WDR33: variants seen among roughly 807,000 people sequenced by gnomAD.
The protein encoded by WDR33 is WD repeat domain 33, also known as pre-mRNA 3' end processing protein WDR33.
In WDR33, 47 loss-of-function variants were observed where a neutral mutation model predicts 164.9. The observed-to-expected ratio is 0.29, with a 90% CI of 0.23 to 0.36. WDR33 has a LOEUF of 0.36. Ranked by LOEUF, WDR33 falls within the 10% of genes least tolerant of loss-of-function variation. WDR33 has a pLI of 1.00. For synonymous variants in WDR33, 505 were observed against 589.0 expected (o/e 0.86, Z 2.06); for missense variants, 1,137 against 1,754.1 (o/e 0.65, Z 6.28).
At chr2:127,733,601 TTA>T (rs1686763972) in intron 7 of WDR33, among the ~76,000 whole-genome samples, 1 of 152,182 alleles carries the variant, frequency 6.6e-6, no homozygotes, top group Non-Finnish European at 1.5e-5. Context: ...GGTTAAAATT[TTA>T]GTTTCTCAGT....
In WDR33 at chr2:127,705,870, G is replaced by A. The variant is rs1197426887; in HGVS notation, c.*453C>T. ...GTGCATTCCTTGGCAGATGGGATGC[G>A]ATGGAAACCAAAGGTTTCCTTAAGG... On this transcript the variant is annotated 3_prime_UTR_variant, in exon 22 of 22. Coordinates refer to ENST00000322313, the MANE Select transcript of WDR33 (RefSeq NM_018383.5). This position sits in a 1 kb window ranked among gnomAD's most constrained non-coding sequence, Gnocchi z 4.5. 6.4e-6 allele frequency: 1 copy of A among 156,404 alleles called. No homozygotes were observed. Among genetic ancestry groups the A allele is most frequent in the Admixed American group, 6.5e-5 (1 of 15,390 alleles). The allele number at this position is 156,404 out of a possible 1,614,324, so 9.7% of individuals were successfully genotyped here. A position where few individuals can be genotyped will look rare whatever the true frequency, so the allele number is the denominator to read the frequency against.
chr2:127,741,014 G>GTCAGTGACAAAGGTTGTGGCAAAGGC lies in WDR33; in HGVS notation c.725-14263_725-14238dup, dbSNP rs1232783232. Among the ~76,000 whole-genome samples the GTCAGTGACAAAGGTTGTGGCAAAGGC allele has an allele frequency of 1.3e-4, 20 of 152,330 alleles. No homozygotes were observed. The highest frequency in any genetic ancestry group is 6.2e-4 in the South Asian group (3 of 4,828). ...AACCCAAAATACATAGACTGTAGTT[G>GTCAGTGACAAAGGTTGTGGCAAAGGC]TCAGTGACAAAGGTTGTGGCAAAGG... is the stretch of plus-strand genomic sequence containing the variant. On this transcript the variant is annotated intron_variant, in intron 7 of 21. Transcript: ENST00000322313. The surrounding 1 kb of genome is among the most constrained non-coding windows in gnomAD (Gnocchi z 4.1).
rs1301636040 is a variant in WDR33 at position 127,726,952 on chromosome 2, C to A, written c.725-175G>T. On this transcript the variant is annotated intron_variant, in intron 7 of 21. Coordinates refer to ENST00000322313, the MANE Select transcript of WDR33 (RefSeq NM_018383.5). The surrounding 1 kb of genome is among the most constrained non-coding windows in gnomAD (Gnocchi z 4.8). ...CTGGAAATTTTTCAGATACAGTATC[C>A]TCTCCTCCTATGTCAAGACACACAG... Among the ~76,000 whole-genome samples the A allele has an allele frequency of 6.6e-6, 1 of 152,148 alleles. No homozygotes were observed. Among genetic ancestry groups the A allele is most frequent in the African/African-American group, 2.4e-5 (1 of 41,426 alleles).
intron 1 of WDR33, among the ~76,000 whole-genome samples, chr2:127,799,425 C>G (rs773289084): frequency 6.6e-6 from 1 of 152,120 alleles, no homozygotes; most frequent in African/African-American, 2.4e-5. Flanking sequence ...ACACGAAGAA[C>G]TCTTAAAACT....
At chr2:127,747,954 A>G (rs1333251056) in intron 7 of WDR33, among the ~76,000 whole-genome samples, 2 of 152,214 alleles carry the variant, frequency 1.3e-5, no homozygotes, top group Non-Finnish European at 2.9e-5. Flanking sequence ...CTGAACGTCA[A>G]TATCAAAAGT....
Position 127,719,153 on chromosome 2 carries a change from A to G in WDR33, c.2760+112T>C, listed in dbSNP as rs1286568599. On this transcript the variant is annotated intron_variant, in intron 16 of 21. Transcript: ENST00000322313. The surrounding 1 kb of genome is among the most constrained non-coding windows in gnomAD (Gnocchi z 6.5). Reference sequence around the variant, plus strand: ...GCTAGTATCTTAAGCTACTGTCACTACTTGATAAGTATTTATATCCAGCTG... The same window carrying G: ...GCTAGTATCTTAAGCTACTGTCACTGCTTGATAAGTATTTATATCCAGCTG... The G allele has an allele frequency of 8.0e-7, 1 of 1,252,608 alleles. No homozygotes were observed. Among genetic ancestry groups the G allele is most frequent in the Non-Finnish European group, 1.0e-6 (1 of 978,768 alleles). 77.6% of individuals were successfully genotyped at this position (1,252,608 alleles called of 1,614,324 possible).
chr2:127,803,470 A>C (rs377093689), intron 1 of WDR33, among the ~76,000 whole-genome samples: 1 of 152,138 alleles, frequency 6.6e-6, no homozygotes, highest in African/African-American at 2.4e-5. Flanking sequence ...CGGGAGGCTG[A>C]GGCACAAGAA....
chr2:127,716,944 C>A lies in WDR33; in HGVS notation c.2869+211G>T, dbSNP rs117837243. On this transcript the variant is annotated intron_variant, in intron 17 of 21. Coordinates refer to ENST00000322313, the MANE Select transcript of WDR33 (RefSeq NM_018383.5). This position sits in a 1 kb window ranked among gnomAD's most constrained non-coding sequence, Gnocchi z 4.5. ...ACGACTGCTGGAGCCTGTGCGGGTG[C>A]CTTCATTGTCAGCCTCTGGGGTGAG... is the stretch of plus-strand genomic sequence containing the variant. 6.5e-4 allele frequency among the ~76,000 whole-genome samples: 99 copies of A among 152,312 alleles called. 1 individual carries two copies. In the East Asian group the frequency reaches 8.5e-3, roughly 13 times the overall value.
chr2:127,730,289 T>G (rs941245990), intron 7 of WDR33, among the ~76,000 whole-genome samples: 1 of 152,196 alleles, frequency 6.6e-6, no homozygotes, highest in South Asian at 2.1e-4. Context: ...TAAGCTGGAA[T>G]AGAAGAAAAT....
chr2:127,791,674 G>A (rs970865310), intron 1 of WDR33, among the ~76,000 whole-genome samples: 1 of 152,102 alleles, frequency 6.6e-6, no homozygotes, highest in Non-Finnish European at 1.5e-5. Context: ...AAGGGAATAC[G>A]ACTCAATCCA....
At chr2:127,772,896 A>C (rs1688056043) in intron 1 of WDR33, among the ~76,000 whole-genome samples, 1 of 151,376 alleles carries the variant, frequency 6.6e-6, no homozygotes, top group Non-Finnish European at 1.5e-5. Flanking sequence ...GCCAAGCAGG[A>C]GGACTGCACT....
chr2:127,736,368 A>G (rs1686841970), intron 7 of WDR33: 1 of 985,306 alleles, frequency 1.0e-6, no homozygotes, highest in Admixed American at 6.1e-5. Flanking sequence ...AAATTCAGAA[A>G]TGAGTGTTGC....
intron 7 of WDR33, among the ~76,000 whole-genome samples, chr2:127,758,872 T>C (rs778531959): frequency 3.3e-5 from 5 of 152,194 alleles, no homozygotes; most frequent in Non-Finnish European, 5.9e-5. Context: ...ATAGGGGTTA[T>C]ACCTTATAAA....
At chr2:127,793,197 G>A (rs112150673) in intron 1 of WDR33, among the ~76,000 whole-genome samples, 118 of 150,218 alleles carry the variant, frequency 7.9e-4, no homozygotes, top group African/African-American at 2.5e-3. Context: ...TTGGGAGGCC[G>A]AGGCAGGTGG....
intron 7 of WDR33, among the ~76,000 whole-genome samples, chr2:127,740,335 T>C (rs1013245411): frequency 8.5e-5 from 12 of 141,110 alleles, no homozygotes; most frequent in African/African-American, 1.9e-4. Context: ...TGGGAGGGAT[T>C]TGTATTTCTC....
At chr2:127,804,137 C>A (rs1340445511) in intron 1 of WDR33, among the ~76,000 whole-genome samples, 1 of 151,760 alleles carries the variant, frequency 6.6e-6, no homozygotes, top group East Asian at 1.9e-4. Flanking sequence ...CTGGCTAACA[C>A]GGTGAAACCC....
At chr2:127,736,495 C>A in intron 7 of WDR33, 1 of 985,348 alleles carries the variant, frequency 1.0e-6, no homozygotes, top group Non-Finnish European at 1.2e-6. Flanking sequence ...AAAAAGCAAG[C>A]TCAAATGGAT....
intron 1 of WDR33, among the ~76,000 whole-genome samples, chr2:127,806,332 C>T (rs1689440145): frequency 6.6e-6 from 1 of 151,336 alleles, no homozygotes; most frequent in Non-Finnish European, 1.5e-5. Flanking sequence ...CTCAGTCTCC[C>T]GAGTAGCTGG....
intron 1 of WDR33, among the ~76,000 whole-genome samples, chr2:127,780,066 C>T (rs537625938): frequency 1.1e-4 from 17 of 151,566 alleles, no homozygotes; most frequent in South Asian, 1.0e-3. Context: ...CTCCGCCTCC[C>T]GGGTTCACGC....
Sources: allele counts gnomAD v4.1 joint callset (sites outside exome capture counted in the v4.1 genomes callset), GRCh38; gene constraint gnomAD v4.1.1; non-coding constraint Gnocchi (gnomAD v3.1); transcripts MANE v1.5; gene names NCBI Gene and HGNC (gene_info 2026-07-23, HGNC 2026-07-21).